Variants in ADAMTS5 observed in about 807,000 individuals in gnomAD.
ADAMTS5 encodes the protein ADAM metallopeptidase with thrombospondin type 1 motif 5.
Under a neutral mutation model 81.4 loss-of-function variants are expected in ADAMTS5, and 54 were observed. The observed-to-expected ratio is 0.66, with a 90% CI of 0.53 to 0.83. The LOEUF is 0.83. Among genes scored for constraint, ADAMTS5 ranks in the 40% least tolerant of loss-of-function variants. The probability of loss-of-function intolerance (pLI) is 0.00; values close to 1 mark genes in which losing one functional copy is unlikely to be tolerated. For synonymous variants in ADAMTS5, 532 were observed against 508.8 expected (o/e 1.05, Z -0.61); for missense variants, 1,194 against 1,229.9 (o/e 0.97, Z 0.44).
chr21:26,963,483 C>A (rs552434866), intron 1 of ADAMTS5, among the ~76,000 whole-genome samples: 25 of 150,634 alleles, frequency 1.7e-4, no homozygotes, highest in African/African-American at 6.1e-4. Flanking sequence ...TGAAAGTGAA[C>A]TACTAAAATG....
chr21:26,946,711 T>C (rs942461193), intron 2 of ADAMTS5, among the ~76,000 whole-genome samples: 5 of 152,022 alleles, frequency 3.3e-5, no homozygotes, highest in South Asian at 2.1e-4. Context: ...GGAGAAAATG[T>C]GTACAATGCC....
chr21:26,966,286 T>C lies in ADAMTS5; in HGVS notation c.106A>G (p.Thr36Ala), dbSNP rs1987669052. ...PAQDKAGQPPTAAAAAQPRRR... is the reference protein window; with the variant it reads ...PAQDKAGQPPAAAAAAQPRRR... ...CGGGGCTGGGCGGCTGCTGCAGCAG[T>C]CGGAGGCTGCCCGGCTTTATCCTGG... The change falls in exon 1 of 8, where the codon ACT becomes GCT. Residue 36 changes from threonine (T) to alanine (A), a missense_variant. Physicochemically the swap from Thr to Ala is moderately conservative, Grantham distance 58. Transcript: ENST00000284987. 6.4e-7 allele frequency: 1 copy of C among 1,553,070 alleles called. No homozygotes were observed. The highest frequency in any genetic ancestry group is 8.7e-7 in the Non-Finnish European group (1 of 1,154,916).
chr21:26,942,169 A>G (rs540087867), intron 3 of ADAMTS5, among the ~76,000 whole-genome samples: 1 of 152,286 alleles, frequency 6.6e-6, no homozygotes, highest in East Asian at 1.9e-4. Context: ...GAATGGGTTA[A>G]TGAACATATT....
At chr21:26,961,602 T>A (rs1047051009) in intron 1 of ADAMTS5, among the ~76,000 whole-genome samples, 1 of 152,224 alleles carries the variant, frequency 6.6e-6, no homozygotes, top group African/African-American at 2.4e-5. Flanking sequence ...AGGAGGTGCA[T>A]GTAGGCAGAT....
At chr21:26,936,228 T>C (rs1201525427) in intron 3 of ADAMTS5, among the ~76,000 whole-genome samples, 4 of 152,230 alleles carry the variant, frequency 2.6e-5, no homozygotes, top group Non-Finnish European at 5.9e-5. Flanking sequence ...AGTCTTACTC[T>C]GGTGAAATAC....
In ADAMTS5 at chr21:26,924,160, G is replaced by A. The variant is rs748725598; in HGVS notation, c.2686C>T (p.His896Tyr). ...ACSRTCDTGW[H>Y]TRTVQCQDGN... is the part of the protein sequence containing the mutation. ...TCCTGGCACTGCACCGTTCTGGTGT[G>A]CCAACCTGTGTCACAGGTCCTAGAG... Residue 896 changes from histidine (H) to tyrosine (Y), a missense_variant, in exon 8 of 8, where the codon CAC becomes TAC. Coordinates refer to ENST00000284987, the MANE Select transcript of ADAMTS5 (RefSeq NM_007038.5). 3.7e-6 allele frequency: 6 copies of A among 1,614,046 alleles called. No homozygotes were observed. In the African/African-American group the frequency reaches 8.0e-5, roughly 22 times the overall value.
intron 7 of ADAMTS5, among the ~76,000 whole-genome samples, chr21:26,928,918 T>C (rs913800919): frequency 2.0e-5 from 3 of 152,146 alleles, no homozygotes; most frequent in South Asian, 2.1e-4. Context: ...TTGAAACATA[T>C]AAAAATGCAG....
intron 3 of ADAMTS5, chr21:26,939,495 TAAC>T (rs1293391961): frequency 6.6e-6 from 1 of 152,222 alleles, no homozygotes; most frequent in Non-Finnish European, 1.5e-5. Flanking sequence ...TCTATATACT[TAAC>T]AAAAGATTCA....
At chr21:26,947,964 A>G (rs1987247069) in intron 2 of ADAMTS5, among the ~76,000 whole-genome samples, 1 of 152,210 alleles carries the variant, frequency 6.6e-6, no homozygotes, top group African/African-American at 2.4e-5. Context: ...TTACATTGTT[A>G]GCTCAGAAAT....
At chr21:26,929,818 T>C in intron 7 of ADAMTS5, 68 bp downstream of exon 7, 1 of 1,500,586 alleles carries the variant, frequency 6.7e-7, no homozygotes, top group Non-Finnish European at 9.1e-7. Context: ...TGAATCCTCC[T>C]TTATCAATTC....
intron 2 of ADAMTS5, among the ~76,000 whole-genome samples, chr21:26,951,897 G>T (rs1206822700): frequency 6.6e-6 from 1 of 151,966 alleles, no homozygotes; most frequent in Non-Finnish European, 1.5e-5. Context: ...ATACACAGAT[G>T]ATCAGGAAAT....
At chr21:26,942,175 A>C (rs1204051527) in intron 3 of ADAMTS5, among the ~76,000 whole-genome samples, 1 of 152,152 alleles carries the variant, frequency 6.6e-6, no homozygotes, top group Non-Finnish European at 1.5e-5. Context: ...GTTAATGAAC[A>C]TATTTTGACT....
At chr21:26,925,812 G>T (rs1986796018) in intron 7 of ADAMTS5, among the ~76,000 whole-genome samples, 1 of 152,188 alleles carries the variant, frequency 6.6e-6, no homozygotes, top group African/African-American at 2.4e-5. Context: ...CTGTCTGCAG[G>T]GCAATCTGTT....
At chr21:26,954,397 T>G (rs190427662) in intron 2 of ADAMTS5, among the ~76,000 whole-genome samples, 1 of 152,258 alleles carries the variant, frequency 6.6e-6, no homozygotes, top group African/African-American at 2.4e-5. Context: ...CTCCAGTAAC[T>G]TCTAAGAAGG....
intron 2 of ADAMTS5, among the ~76,000 whole-genome samples, chr21:26,950,831 CTATT>C (rs1480761707): frequency 6.6e-6 from 1 of 151,964 alleles, no homozygotes; most frequent in Non-Finnish European, 1.5e-5. Flanking sequence ...AGCTCTGCCT[CTATT>C]TACCTTATGA....
At chr21:26,955,446 A>G (rs576067405) in intron 1 of ADAMTS5, among the ~76,000 whole-genome samples, 2 of 152,300 alleles carry the variant, frequency 1.3e-5, no homozygotes, top group South Asian at 4.1e-4. Context: ...ATAACATTTA[A>G]TGTAGCATTT....
rs201266836 is a variant in ADAMTS5, at chr21:26,965,480, A to G, written c.912T>C (p.His304=). ...LASIANRLYS[H]ASIENHIRLA... is the part of the protein sequence containing the mutation. ...GGCGGATGTGGTTCTCGATGCTAGCATGGCTGTACAGCCTATTGGCGATGG... is the reference window on the plus strand; with the variant it reads ...GGCGGATGTGGTTCTCGATGCTAGCGTGGCTGTACAGCCTATTGGCGATGG... Residue 304 remains histidine, a synonymous_variant, in exon 1 of 8, where the codon CAT becomes CAC. Coordinates refer to ENST00000284987, the MANE Select transcript of ADAMTS5 (RefSeq NM_007038.5). 12 of 1,614,252 alleles carry G rather than the reference A, an allele frequency of 7.4e-6. No homozygotes were observed. The highest frequency in any genetic ancestry group is 1.0e-5 in the Non-Finnish European group (12 of 1,180,048).
At chr21:26,964,436 G>A (rs181085836) in intron 1 of ADAMTS5, among the ~76,000 whole-genome samples, 57 of 152,282 alleles carry the variant, frequency 3.7e-4, no homozygotes, top group Admixed American at 2.0e-3. Flanking sequence ...GGGAAATGCT[G>A]GGAAAACATT....
intron 3 of ADAMTS5, among the ~76,000 whole-genome samples, chr21:26,942,212 G>C (rs950139742): frequency 4.6e-5 from 7 of 152,034 alleles, no homozygotes; most frequent in African/African-American, 1.7e-4. Context: ...CTGTGCAGCT[G>C]AATTTCTTTA....
Sources: gnomAD v4.1 joint callset for allele counts (sites outside exome capture counted in the v4.1 genomes callset) on GRCh38, gnomAD v4.1.1 for gene constraint, MANE v1.5 for transcripts, NCBI Gene and HGNC (gene_info 2026-07-23, HGNC 2026-07-21) for gene names.